ERMP1: variants seen among roughly 807,000 people sequenced by gnomAD.
ERMP1 encodes endoplasmic reticulum metallopeptidase 1.
ERMP1 carries 86 observed loss-of-function variants against 92.0 expected under a neutral mutation model. That is an observed-to-expected ratio of 0.93 (90% CI 0.79 to 1.12). The LOEUF (loss-of-function observed/expected upper bound fraction) is 1.12, where lower values mean the gene tolerates loss of function less well. Ranked by LOEUF, ERMP1 falls within the 50% of genes most tolerant of loss-of-function variation. ERMP1 has a pLI of 0.00. For synonymous variants in ERMP1, 530 were observed against 412.8 expected (o/e 1.28, Z -3.44); for missense variants, 1,342 against 1,116.3 (o/e 1.20, Z -2.88).
At chr9:5,843,289 A>T (rs981596165) in intron 6 of ERMP1, among the ~76,000 whole-genome samples, 111 of 152,236 alleles carry the variant, frequency 7.3e-4, no homozygotes, top group Non-Finnish European at 1.3e-3. Context: ...TATTTTTTCA[A>T]GAAATGACAG....
intron 4 of ERMP1, among the ~76,000 whole-genome samples, chr9:5,819,316 G>A (rs1024740463): frequency 1.1e-4 from 17 of 152,124 alleles, no homozygotes; most frequent in Non-Finnish European, 1.3e-4. Flanking sequence ...ACTCACTTGC[G>A]TTAAAAACTC....
At position 5,805,108 on chromosome 9, in the gene ERMP1, C is replaced by G. The variant is rs1828820028; in HGVS notation, c.1833G>C (p.Gly611=). The G allele has an allele frequency of 6.2e-7, 1 of 1,613,628 alleles. No homozygotes were observed. Among genetic ancestry groups the G allele is most frequent in the Non-Finnish European group, 8.5e-7 (1 of 1,179,910 alleles). ...CAGGTGGGATTTCAGAACCACTTCT[C>G]CCGAGGATAGGGGTAAACATCTCAA... ...AVFEMFTPIL[G]RSGSEIPPDV... Residue 611 remains glycine, a synonymous_variant, in exon 10 of 15, where the codon GGG becomes GGC. Transcript: ENST00000339450.
intron 2 of ERMP1, among the ~76,000 whole-genome samples, chr9:5,826,266 G>GT (rs1281295268): frequency 6.6e-6 from 1 of 152,178 alleles, no homozygotes; most frequent in Non-Finnish European, 1.5e-5. Flanking sequence ...AAGCACTAAC[G>GT]TAACTCAGGC....
At chr9:5,856,255 G>A (rs546710453) in intron 6 of ERMP1, 17 of 282,318 alleles carry the variant, frequency 6.0e-5, no homozygotes, top group African/African-American at 2.8e-4. Flanking sequence ...GTGATCACAT[G>A]GTCTGGAACC....
chr9:5,856,950 C>T (rs1374574981), intron 6 of ERMP1, among the ~76,000 whole-genome samples: 1 of 152,092 alleles, frequency 6.6e-6, no homozygotes, highest in Admixed American at 6.5e-5. Context: ...GTCTTGGGGG[C>T]CATTTTAAAC....
chr9:5,785,135 A>T lies in ERMP1; in HGVS notation c.*2009T>A, dbSNP rs1827883358. The stretch of plus-strand genomic sequence containing the variant: ...CTTACTACTGACCTTGTACAATACC[A>T]AAGCTTCATAATGCTAAAGAAAACC... On this transcript the variant is annotated 3_prime_UTR_variant, in exon 15 of 15. Coordinates refer to ENST00000339450, the MANE Select transcript of ERMP1 (RefSeq NM_024896.3). 6.6e-6 allele frequency: 1 copy of T among 152,206 alleles called. No homozygotes were observed. Among genetic ancestry groups the T allele is most frequent in the African/African-American group, 2.4e-5 (1 of 41,444 alleles). 9.4% of individuals were successfully genotyped at this position (152,206 alleles called of 1,614,324 possible). A position where few individuals can be genotyped will look rare whatever the true frequency, so the allele number is the denominator to read the frequency against.
intron 2 of ERMP1, among the ~76,000 whole-genome samples, chr9:5,825,568 GT>G (rs893892664): frequency 5.3e-5 from 8 of 152,174 alleles, no homozygotes; most frequent in African/African-American, 1.7e-4. Flanking sequence ...TTCTTTACCC[GT>G]ATTCCACATC....
intron 5 of ERMP1, among the ~76,000 whole-genome samples, chr9:5,861,177 GT>G (rs2129781444): frequency 7.5e-6 from 1 of 133,292 alleles, no homozygotes; most frequent in Non-Finnish European, 1.7e-5. Flanking sequence ...GGGGGTGTGT[GT>G]GTGTGTGTGT....
At chr9:5,795,726 C>T (rs752775956) in intron 13 of ERMP1, among the ~76,000 whole-genome samples, 2 of 151,520 alleles carry the variant, frequency 1.3e-5, no homozygotes, top group Non-Finnish European at 2.9e-5. Flanking sequence ...TGCCGTGAGC[C>T]GAGATCGTAC....
intron 6 of ERMP1, among the ~76,000 whole-genome samples, chr9:5,839,265 G>A (rs1341584187): frequency 6.6e-6 from 1 of 152,190 alleles, no homozygotes; most frequent in African/African-American, 2.4e-5. Context: ...TTCAGTCTGT[G>A]ACCTGGGAGA....
intron 6 of ERMP1, among the ~76,000 whole-genome samples, chr9:5,852,932 G>A (rs1326272467): frequency 6.6e-6 from 1 of 152,106 alleles, no homozygotes; most frequent in East Asian, 1.9e-4. Flanking sequence ...AAACAAACCA[G>A]CAAAAACCTT....
At chr9:5,837,643 T>C (rs534173210), upstream of ERMP1, among the ~76,000 whole-genome samples, 4 of 152,240 alleles carry the variant, frequency 2.6e-5, no homozygotes, top group Non-Finnish European at 5.9e-5. Context: ...ATGTGTTATA[T>C]ACATTATTCT....
rs756189738 is a variant in ERMP1 at position 5,833,049 on chromosome 9, GCCCAACCGCCCCAACCCGCGACAGC to G, written c.-47_-23del. ...CCATGGCCACGAGCCTCAGCTGCCA[GCCCAACCGCCCCAACCCGCGACAGC>G]CCCGGCCGCCGCCGACGCCGCCGTC... On this transcript the variant is annotated 5_prime_UTR_variant, in exon 1 of 15. Transcript: ENST00000339450. 6 of 1,450,946 alleles carry G rather than the reference GCCCAACCGCCCCAACCCGCGACAGC, an allele frequency of 4.1e-6. No homozygotes were observed. In the South Asian group the frequency reaches 4.3e-5, roughly 10 times the overall value. The allele number at this position is 1,450,946 out of a possible 1,614,324, so 89.9% of individuals were successfully genotyped here.
At chr9:5,831,889 G>T (rs184261088) in intron 1 of ERMP1, among the ~76,000 whole-genome samples, 138 of 152,242 alleles carry the variant, frequency 9.1e-4, no homozygotes, top group African/African-American at 3.2e-3. Context: ...TTCCAAGTGG[G>T]GAAAGCTGGA....
In ERMP1 at chr9:5,805,188, G is replaced by A. The variant is rs754583115; in HGVS notation, c.1753C>T (p.Leu585Phe). 2.6e-5 allele frequency: 42 copies of A among 1,603,222 alleles called. No homozygotes were observed. The highest frequency in any genetic ancestry group is 3.5e-5 in the Non-Finnish European group (41 of 1,176,184). ...GAQGKFIAFY[L>F]LGMFIPYLYA... ...AGATAAGGAATAAACATCCCCAAAAGGTAAAAAGCAATAAATTTTCCTTGG... is the reference window on the plus strand; with the variant it reads ...AGATAAGGAATAAACATCCCCAAAAAGTAAAAAGCAATAAATTTTCCTTGG... Residue 585 changes from leucine to phenylalanine, a missense_variant, in exon 10 of 15, where the codon CTT becomes TTT. Leu to Phe is a conservative substitution (Grantham distance 22). Coordinates refer to ENST00000339450, the MANE Select transcript of ERMP1 (RefSeq NM_024896.3).
intron 12 of ERMP1, 130 bp downstream of exon 12, chr9:5,798,676 T>G: frequency 1.8e-6 from 1 of 570,152 alleles, no homozygotes. Context: ...AGTTTCATAA[T>G]GATAGAAAAA....
At chr9:5,799,114 T>C in intron 11 of ERMP1, 106 bp from the exon 12 acceptor site, 2 of 724,418 alleles carry the variant, frequency 2.8e-6, no homozygotes, top group African/African-American at 1.8e-5. Context: ...GATGTGGATA[T>C]GGAGCAAGTG....
In ERMP1 at chr9:5,833,096, C is replaced by A. The variant is rs532465300; in HGVS notation, c.-69G>T. On this transcript the variant is annotated 5_prime_UTR_variant, in exon 1 of 15. Coordinates refer to ENST00000339450, the MANE Select transcript of ERMP1 (RefSeq NM_024896.3). Reference sequence around the variant, plus strand: ...CAGCCCCGGCCGCCGCCGACGCCGCCGTCGCTGCCGCAGCGCCTCCTAGTG... The same window carrying A: ...CAGCCCCGGCCGCCGCCGACGCCGCAGTCGCTGCCGCAGCGCCTCCTAGTG... 1 of 1,323,194 alleles carries A rather than the reference C, an allele frequency of 7.6e-7. No individual in the cohort carries two copies. The highest frequency in any genetic ancestry group is 9.8e-7 in the Non-Finnish European group (1 of 1,021,618). The allele number at this position is 1,323,194 out of a possible 1,614,324, so 82.0% of individuals were successfully genotyped here. A position where few individuals can be genotyped will look rare whatever the true frequency, so the allele number is the denominator to read the frequency against.
At chr9:5,843,575 C>G (rs957120844) in intron 6 of ERMP1, among the ~76,000 whole-genome samples, 3 of 152,168 alleles carry the variant, frequency 2.0e-5, no homozygotes, top group Non-Finnish European at 2.9e-5. Flanking sequence ...TCAGATGTAG[C>G]TAGCCAGTCA....
Sources: allele counts gnomAD v4.1 joint callset (sites outside exome capture counted in the v4.1 genomes callset), GRCh38; gene constraint gnomAD v4.1.1; transcripts MANE v1.5; gene names NCBI Gene and HGNC (gene_info 2026-07-23, HGNC 2026-07-21).